The following SUMF1 variants were observed in gnomAD, a reference collection of about 807,000 sequenced individuals.
The protein encoded by SUMF1 is formylglycine-generating enzyme.
SUMF1 carries 48 observed loss-of-function variants against 47.6 expected under a neutral mutation model. The ratio of observed to expected loss-of-function variants is 1.01; its 90% CI spans 0.80 to 1.28. The LOEUF (loss-of-function observed/expected upper bound fraction) is 1.28, where lower values mean the gene tolerates loss of function less well. SUMF1 is among the 50% of genes most tolerant of loss of function. The pLI is 0.00. For synonymous variants in SUMF1, 230 were observed against 192.1 expected (o/e 1.20, Z -1.63); for missense variants, 571 against 485.4 (o/e 1.18, Z -1.66).
At chr3:4,452,824 T>C (rs1400474491) in intron 2 of SUMF1, 52 bp downstream of exon 2, 29 of 1,609,452 alleles carry the variant, frequency 1.8e-5, no homozygotes, top group Non-Finnish European at 2.3e-5. Flanking sequence ...TAAAGCATTC[T>C]TAAAAGTTCT....
intron 8 of SUMF1, among the ~76,000 whole-genome samples, chr3:4,169,257 G>A (rs1396438114): frequency 6.6e-6 from 1 of 152,024 alleles, no homozygotes; most frequent in Non-Finnish European, 1.5e-5. Context: ...TCAATAAAAT[G>A]TTGAAGTCCT....
At chr3:4,267,066 G>A (rs1244481209) in intron 8 of SUMF1, among the ~76,000 whole-genome samples, 2 of 152,130 alleles carry the variant, frequency 1.3e-5, no homozygotes, top group African/African-American at 4.8e-5. Context: ...TGCATCCCAG[G>A]GATGAAGCCC....
chr3:4,226,270 T>C (rs1170389161), intron 8 of SUMF1, among the ~76,000 whole-genome samples: 4 of 95,632 alleles, frequency 4.2e-5, no homozygotes, highest in East Asian at 7.1e-4. Context: ...GTTTCTTTTT[T>C]TTTTTTTTTT....
At chr3:4,409,437 C>G (rs1321631264) in intron 7 of SUMF1, among the ~76,000 whole-genome samples, 4 of 152,118 alleles carry the variant, frequency 2.6e-5, no homozygotes, top group African/African-American at 7.2e-5. Flanking sequence ...TTAGAAGAAA[C>G]ACAAGTAGCT....
At chr3:4,154,759 G>C (rs1156715458) in intron 8 of SUMF1, among the ~76,000 whole-genome samples, 2 of 151,520 alleles carry the variant, frequency 1.3e-5, no homozygotes, top group African/African-American at 4.9e-5. Flanking sequence ...TTAAATAAGA[G>C]TTTTTCTAAG....
chr3:4,417,945 TTTG>T (rs1701767714), intron 5 of SUMF1, 62 bp downstream of exon 5: 2 of 1,612,330 alleles, frequency 1.2e-6, no homozygotes, highest in Non-Finnish European at 1.7e-6. Flanking sequence ...CATGGAGTTT[TTTG>T]TTGTTGTTTG....
chr3:4,132,543 G>C (rs1355208497), intron 8 of SUMF1, among the ~76,000 whole-genome samples: 1 of 152,138 alleles, frequency 6.6e-6, no homozygotes, highest in East Asian at 1.9e-4. Context: ...GAAAGTGGAA[G>C]TGGCACCACT....
intron 8 of SUMF1, among the ~76,000 whole-genome samples, chr3:4,098,604 A>G (rs781225568): frequency 5.9e-5 from 9 of 152,062 alleles, no homozygotes; most frequent in Non-Finnish European, 1.0e-4. Context: ...GATGTAGCCT[A>G]TTTTTTCTGT....
chr3:4,366,743 G>A (rs1475652500), intron 8 of SUMF1, among the ~76,000 whole-genome samples: 1 of 152,284 alleles, frequency 6.6e-6, no homozygotes, highest in East Asian at 1.9e-4. Flanking sequence ...ATCCAGCTTT[G>A]TTCCATTGCT....
At chr3:4,264,980 A>G (rs1697159703) in intron 8 of SUMF1, among the ~76,000 whole-genome samples, 1 of 151,954 alleles carries the variant, frequency 6.6e-6, no homozygotes, top group Non-Finnish European at 1.5e-5. Flanking sequence ...CTAAAAATAC[A>G]AAATTAGCTG....
At chr3:4,111,587 G>A (rs1381796841) in intron 8 of SUMF1, among the ~76,000 whole-genome samples, 5 of 151,834 alleles carry the variant, frequency 3.3e-5, no homozygotes, top group South Asian at 2.1e-4. Context: ...GGGTAGTGGT[G>A]CGCACCTGCC....
At chr3:4,058,239 G>A (rs963556423) in intron 9 of SUMF1, among the ~76,000 whole-genome samples, 9 of 152,074 alleles carry the variant, frequency 5.9e-5, no homozygotes, top group Non-Finnish European at 1.0e-4. Flanking sequence ...CATGTTGCTC[G>A]CGAGCAGGTA....
intron 7 of SUMF1, among the ~76,000 whole-genome samples, chr3:4,404,837 CT>C (rs1329267914): frequency 2.0e-5 from 3 of 152,132 alleles, no homozygotes; most frequent in Admixed American, 6.5e-5. Flanking sequence ...TCTCAATCAA[CT>C]TCCTCCCCCA....
chr3:4,136,709 T>G (rs1204059539), intron 8 of SUMF1, among the ~76,000 whole-genome samples: 1 of 148,554 alleles, frequency 6.7e-6, no homozygotes, highest in African/African-American at 2.5e-5. Context: ...AGAAAATTTT[T>G]GCAATCTACT....
At chr3:4,352,336 T>C (rs946548369) in intron 8 of SUMF1, among the ~76,000 whole-genome samples, 1 of 152,092 alleles carries the variant, frequency 6.6e-6, no homozygotes, top group Non-Finnish European at 1.5e-5. Flanking sequence ...AATTAGGTCA[T>C]GTACACAAAG....
At chr3:4,441,152 G>A (rs182098926) in intron 3 of SUMF1, among the ~76,000 whole-genome samples, 124 of 152,198 alleles carry the variant, frequency 8.1e-4, no homozygotes, top group African/African-American at 2.8e-3. Flanking sequence ...CGTTGTTTGC[G>A]TTACCACCTG....
intron 8 of SUMF1, among the ~76,000 whole-genome samples, chr3:4,354,469 CAAG>C (rs1276191470): frequency 6.6e-6 from 1 of 152,108 alleles, no homozygotes; most frequent in African/African-American, 2.4e-5. Context: ...GAGGTGGATT[CAAG>C]AAGAAAATAC....
At chr3:4,304,534 G>A (rs1045578819) in intron 8 of SUMF1, among the ~76,000 whole-genome samples, 2 of 152,224 alleles carry the variant, frequency 1.3e-5, no homozygotes, top group Non-Finnish European at 2.9e-5. Flanking sequence ...AGCGCTGGAC[G>A]TGGAAGTTGG....
chr3:4,065,122 C>A (rs1347775690), intron 9 of SUMF1, among the ~76,000 whole-genome samples: 1 of 152,198 alleles, frequency 6.6e-6, no homozygotes, highest in Non-Finnish European at 1.5e-5. Context: ...GTTTACCTTG[C>A]CTCACCATTT....
Sources: allele counts gnomAD v4.1 joint callset (sites outside exome capture counted in the v4.1 genomes callset), GRCh38; gene constraint gnomAD v4.1.1; transcripts MANE v1.5; gene names NCBI Gene and HGNC (gene_info 2026-07-23, HGNC 2026-07-21).